Variants in MTCL1 observed in about 807,000 individuals in gnomAD.
MTCL1 encodes microtubule cross-linking factor 1.
In MTCL1, 79 loss-of-function variants were observed where a neutral mutation model predicts 141.4. The observed-to-expected ratio is 0.56, with a 90% CI of 0.47 to 0.67. MTCL1 has a LOEUF of 0.67. Among genes scored for constraint, MTCL1 ranks in the 30% least tolerant of loss-of-function variants. MTCL1 has a pLI of 0.00. For synonymous variants in MTCL1, 914 were observed against 875.8 expected (o/e 1.04, Z -0.77); for missense variants, 2,177 against 2,113.9 (o/e 1.03, Z -0.59).
At chr18:8,770,590 C>A (rs1448800541) in intron 4 of MTCL1, among the ~76,000 whole-genome samples, 1 of 152,184 alleles carries the variant, frequency 6.6e-6, no homozygotes, top group Non-Finnish European at 1.5e-5. Context: ...TCCCAAAGGC[C>A]TCACTTCTAA....
At chr18:8,744,382 T>A (rs1329808259) in intron 4 of MTCL1, among the ~76,000 whole-genome samples, 2 of 152,340 alleles carry the variant, frequency 1.3e-5, no homozygotes, top group South Asian at 2.1e-4. Flanking sequence ...ATCAAACCTT[T>A]TCAATTTTTG....
At chr18:8,826,042 G>T (rs962151645) in exon 15 of MTCL1, 1 of 1,611,422 alleles carries the variant, frequency 6.2e-7, no homozygotes, top group African/African-American at 1.3e-5. Flanking sequence ...GGGGGAGAGG[G>T]CACGCCAGTG....
At chr18:8,767,357 A>T (rs144596239) in intron 4 of MTCL1, among the ~76,000 whole-genome samples, 5 of 152,324 alleles carry the variant, frequency 3.3e-5, no homozygotes, top group African/African-American at 1.2e-4. Flanking sequence ...GTGGCTCCAG[A>T]TAGCAAGGAT....
At chr18:8,738,948 AT>A (rs1414635200) in intron 4 of MTCL1, among the ~76,000 whole-genome samples, 2 of 152,178 alleles carry the variant, frequency 1.3e-5, no homozygotes, top group Non-Finnish European at 2.9e-5. Context: ...TCTAAAAAAA[AT>A]CATCCTGGCC....
chr18:8,757,980 G>A (rs2096410627), intron 4 of MTCL1, among the ~76,000 whole-genome samples: 1 of 147,506 alleles, frequency 6.8e-6, no homozygotes, highest in Non-Finnish European at 1.5e-5. Context: ...TTTGTGAAGT[G>A]TTTTCAATAA....
intron 4 of MTCL1, among the ~76,000 whole-genome samples, chr18:8,776,899 C>G (rs1483029656): frequency 6.6e-6 from 1 of 152,154 alleles, no homozygotes; most frequent in Admixed American, 6.5e-5. Flanking sequence ...GTAGCTGAGA[C>G]TACAGGCACA....
intron 1 of MTCL1, among the ~76,000 whole-genome samples, chr18:8,710,040 A>G (rs1468759404): frequency 2.6e-5 from 4 of 152,122 alleles, no homozygotes; most frequent in Admixed American, 2.0e-4. Context: ...GGGTTTCACC[A>G]TGTTGGCCAG....
Position 8,706,586 on chromosome 18 carries a change from A to G in MTCL1, c.926A>G (p.Glu309Gly), listed in dbSNP as rs1347553581. Residue 309 changes from glutamate (E) to glycine (G), a missense_variant, in exon 1 of 14, where the codon GAG becomes GGG. Transcript: ENST00000306329. ...GATGTCCGGGGGCGCTCGCCACCGG[A>G]GCGACCAGTCCCCGGGACCCCCAAG... The G allele has an allele frequency of 4.7e-6, 7 of 1,497,618 alleles. No individual in the cohort carries two copies. The East Asian group carries it at 8.2e-5, about 18-fold the overall frequency. 92.8% of individuals were successfully genotyped at this position (1,497,618 alleles called of 1,614,324 possible). A position where few individuals can be genotyped will look rare whatever the true frequency, so the allele number is the denominator to read the frequency against.
upstream of MTCL1, among the ~76,000 whole-genome samples, chr18:8,713,390 A>G (rs1345104071): frequency 6.6e-6 from 1 of 152,226 alleles, no homozygotes; most frequent in African/African-American, 2.4e-5. Context: ...AATTTTATGT[A>G]CTATCTCTAA....
rs1192462448 is a variant in MTCL1, at chr18:8,825,990, C to T, written c.4480C>T (p.Pro1494Ser). Reference sequence around the variant, plus strand: ...AGGCACCAATTCCCGAGGAAGGTCGCCTAGCCCCATTGGGGTGGGGTCAGA... The same window carrying T: ...AGGCACCAATTCCCGAGGAAGGTCGTCTAGCCCCATTGGGGTGGGGTCAGA... Residue 1494 changes from proline (P) to serine (S), a missense_variant, in exon 15 of 17, where the codon CCT (proline) becomes TCT (serine). By Grantham distance (74) the Pro-to-Ser change is moderately conservative. Coordinates refer to ENST00000359865, the Ensembl canonical transcript of MTCL1. 4 of 1,601,662 alleles carry T rather than the reference C, an allele frequency of 2.5e-6. No individual in the cohort carries two copies. The highest frequency in any genetic ancestry group is 3.4e-6 in the Non-Finnish European group (4 of 1,172,894).
intron 10 of MTCL1, 115 bp from the exon 10 acceptor site, chr18:8,806,778 C>A: frequency 9.4e-7 from 1 of 1,064,766 alleles, no homozygotes; most frequent in Non-Finnish European, 1.3e-6. Flanking sequence ...GCACCCACTG[C>A]CAACAACACC....
intron 5 of MTCL1, among the ~76,000 whole-genome samples, chr18:8,780,335 C>G (rs1357112608): frequency 6.6e-6 from 1 of 152,260 alleles, no homozygotes; most frequent in African/African-American, 2.4e-5. Flanking sequence ...ACCTCCTGGA[C>G]TGGCTCCACC....
At chr18:8,792,144 A>G (rs1266524754) in intron 7 of MTCL1, among the ~76,000 whole-genome samples, 1 of 152,236 alleles carries the variant, frequency 6.6e-6, no homozygotes, top group Admixed American at 6.5e-5. Flanking sequence ...AATCTACTCT[A>G]ATTCCCAGTT....
intron 10 of MTCL1, chr18:8,801,979 G>C (rs615058): frequency 0.86 from 131,426 of 152,258 alleles, 57,182 homozygotes; most frequent in African/African-American, 0.94. Flanking sequence ...GGTCTGTCTT[G>C]AGTGGCCCAT....
intron 8 of MTCL1, among the ~76,000 whole-genome samples, chr18:8,794,805 G>A (rs1392985754): frequency 1.3e-5 from 2 of 152,184 alleles, no homozygotes; most frequent in African/African-American, 4.8e-5. Context: ...CCAGAGACCA[G>A]ACCTCCCTTC....
intron 1 of MTCL1, among the ~76,000 whole-genome samples, chr18:8,710,927 T>G (rs1412096148): frequency 1.4e-5 from 2 of 144,112 alleles, no homozygotes; most frequent in Non-Finnish European, 3.0e-5. Flanking sequence ...TTAGGGTACA[T>G]GTGCACATTG....
At chr18:8,813,077 G>A (rs1408979978) in exon 12 of MTCL1, 3 of 1,614,186 alleles carry the variant, frequency 1.9e-6, no homozygotes, top group Non-Finnish European at 2.5e-6. Context: ...AGAAGCTCCT[G>A]GCAGACAGTC....
chr18:8,724,589 A>C (rs1176647271), intron 4 of MTCL1, among the ~76,000 whole-genome samples: 1 of 152,126 alleles, frequency 6.6e-6, no homozygotes, highest in Admixed American at 6.5e-5. Flanking sequence ...AATTCTGAAC[A>C]TGTCACTCTG....
chr18:8,720,435 A>T, exon 4 of MTCL1: 2 of 1,614,202 alleles, frequency 1.2e-6, no homozygotes, highest in Non-Finnish European at 1.7e-6. Flanking sequence ...CTCCGACAGC[A>T]GATGATTGAA....
Sources: gnomAD v4.1 joint callset for allele counts (sites outside exome capture counted in the v4.1 genomes callset) on GRCh38, gnomAD v4.1.1 for gene constraint, MANE v1.5 for transcripts, NCBI Gene and HGNC (gene_info 2026-07-23, HGNC 2026-07-21) for gene names.